TECPR1: variants seen among roughly 807,000 people sequenced by gnomAD.
TECPR1 encodes the protein tectonin beta-propeller repeat containing 1, also known as tectonin beta-propeller repeat-containing protein 1.
A neutral mutation model predicts 162.4 loss-of-function variants in TECPR1; 122 were observed. The observed-to-expected ratio is 0.75, with a 90% CI of 0.65 to 0.87. The LOEUF is 0.87. TECPR1 is among the 40% of genes least tolerant of loss of function. The pLI is 0.00. For missense variants in TECPR1, 1,432 were observed against 1,618.2 expected, an observed-to-expected ratio of 0.88 and a Z score of 1.97; for synonymous variants, 642 against 670.6, an observed-to-expected ratio of 0.96 and a Z score of 0.66.
rs1405666696 is a variant in TECPR1, at chr7:98,229,083, G to A, written c.2366C>T (p.Thr789Met). The change falls in exon 16 of 26, where the codon ACG becomes ATG. Residue 789 changes from threonine (T) to methionine (M), a missense_variant. Physicochemically the swap from Thr to Met is moderately conservative, Grantham distance 81 (BLOSUM62 -1). Transcript: ENST00000447648. The stretch of plus-strand genomic sequence containing the variant: ...ATAGCCGCCTGTGTATACCCAGGCC[G>A]TGTGGTCATAGCCGATGCCCCACAC... The part of the protein sequence containing the change: ...GVVWGIGYDH[T>M]AWVYTGGYGG... The A allele has an allele frequency of 9.4e-6, 15 of 1,590,556 alleles. No individual in the cohort carries two copies. Among genetic ancestry groups the A allele is most frequent in the African/African-American group, 1.3e-5 (1 of 74,512 alleles).
chr7:98,228,049 G>T lies in TECPR1; in HGVS notation c.2478C>A (p.Asn826Lys), dbSNP rs1195601983. The T allele has an allele frequency of 6.2e-7, 1 of 1,613,138 alleles. No individual in the cohort carries two copies. The highest frequency in any genetic ancestry group is 8.5e-7 in the Non-Finnish European group (1 of 1,179,652). Residue 826 changes from asparagine (N) to lysine (K), a missense_variant, in exon 17 of 26, where the codon AAC becomes AAA. Physicochemically the swap from Asn to Lys is moderately conservative, Grantham distance 94 (BLOSUM62 0). Transcript: ENST00000447648. Reference protein sequence around the residue: ...SDVKCVHIYENQRWNPVTGYT... With the variant: ...SDVKCVHIYEKQRWNPVTGYT... The stretch of plus-strand genomic sequence containing the variant: ...AGCCTGTGACGGGGTTCCAGCGCTG[G>T]TTCTCATAGATGTGAACACACTTCA...
chr7:98,222,368 C>A lies in TECPR1; in HGVS notation c.3064+18G>T. The A allele has an allele frequency of 6.2e-7, 1 of 1,604,572 alleles. No homozygotes were observed. On this transcript the variant is annotated intron_variant, in intron 22 of 25. Coordinates refer to ENST00000447648, the MANE Select transcript of TECPR1 (RefSeq NM_015395.3). ...CGGAAGGTGAACACTGCAGGGGCTCCTGGGGCGCGGCACTCACCGGCTGGC... is the reference window on the plus strand; with the variant it reads ...CGGAAGGTGAACACTGCAGGGGCTCATGGGGCGCGGCACTCACCGGCTGGC...
At chr7:98,225,181 A>C in intron 17 of TECPR1, 79 bp from the exon 18 acceptor site, 1 of 1,302,790 alleles carries the variant, frequency 7.7e-7, no homozygotes, top group Non-Finnish European at 1.1e-6. Flanking sequence ...ATAACACCCC[A>C]CAGGGAAGCA....
intron 2 of TECPR1, among the ~76,000 whole-genome samples, chr7:98,247,898 A>AT (rs890275412): frequency 2.6e-5 from 4 of 151,064 alleles, no homozygotes; most frequent in Admixed American, 6.6e-5. Flanking sequence ...AATTTTTAAA[A>AT]TTTTTTTTGT....
Position 98,245,084 on chromosome 7 carries a change from C to G in TECPR1, c.226-17G>C, listed in dbSNP as rs779735930. On this transcript the variant is annotated splice_polypyrimidine_tract_variant and intron_variant, in intron 3 of 25. Transcript: ENST00000447648. ...ATTCCAGCGCTGAGGGCCGGGGACACAGAGGCGGCCTTGGACCCAAGCCTG... is the reference window on the plus strand; with the variant it reads ...ATTCCAGCGCTGAGGGCCGGGGACAGAGAGGCGGCCTTGGACCCAAGCCTG... The G allele has an allele frequency of 2.6e-6, 4 of 1,563,446 alleles. No homozygotes were observed. The African/African-American group carries it at 5.4e-5, about 21-fold the overall frequency.
At chr7:98,220,933 C>T (rs570987159) in intron 23 of TECPR1, among the ~76,000 whole-genome samples, 5 of 150,718 alleles carry the variant, frequency 3.3e-5, no homozygotes, top group South Asian at 4.3e-4. Flanking sequence ...TCAAGTGATC[C>T]GCCCACCTCA....
At position 98,217,401 on chromosome 7, in the gene TECPR1, C is replaced by T. The variant is rs35234068; in HGVS notation, c.3487G>A (p.Val1163Ile). 13 of 1,589,152 alleles carry T rather than the reference C, an allele frequency of 8.2e-6. No homozygotes were observed. The highest frequency in any genetic ancestry group is 2.3e-5 in the South Asian group (2 of 88,720). Reference protein sequence around the residue: ...PSAPPEAHGPVCC With the variant: ...PSAPPEAHGPICC ...TGTGTGGGGGGGCCTCAGCAGCAGA[C>T]GGGGCCATGGGCCTCTGGTGGGGCA... is the stretch of plus-strand genomic sequence containing the variant. The change falls in exon 26 of 26, where the codon GTC becomes ATC. Residue 1163 changes from valine to isoleucine, a missense_variant. Val to Ile is a conservative substitution (Grantham distance 29, BLOSUM62 3). Coordinates refer to ENST00000447648, the MANE Select transcript of TECPR1 (RefSeq NM_015395.3).
At position 98,229,716 on chromosome 7, in the gene TECPR1, C is replaced by A. The variant is rs76084106; in HGVS notation, c.2283-550G>T. Reference sequence around the variant, plus strand: ...GGTGCAGGTCACAGCCTCCTGCGGCCGAGGCCCTGTCACTGTCACTGTCAC... The same window carrying A: ...GGTGCAGGTCACAGCCTCCTGCGGCAGAGGCCCTGTCACTGTCACTGTCAC... On this transcript the variant is annotated intron_variant, in intron 15 of 25. Transcript: ENST00000447648. Among the ~76,000 whole-genome samples, 6 of 152,286 alleles carry A rather than the reference C, an allele frequency of 3.9e-5. No homozygotes were observed. In the East Asian group the frequency reaches 1.2e-3, roughly 29 times the overall value.
chr7:98,227,987 T>A lies in TECPR1; in HGVS notation c.2513+27A>T, dbSNP rs749574465. The stretch of plus-strand genomic sequence containing the variant: ...GGACTAAGGCCTATGCCAGGCAGCA[T>A]CCTGGCCGGGCACCTGTGCCACTTA... On this transcript the variant is annotated intron_variant, in intron 17 of 25. Transcript: ENST00000447648. 18 of 1,584,734 alleles carry A rather than the reference T, an allele frequency of 1.1e-5. 1 individual carries two copies. In the South Asian group the frequency reaches 2.0e-4, roughly 18 times the overall value.
At chr7:98,230,690 C>A (rs1316124849) in intron 15 of TECPR1, among the ~76,000 whole-genome samples, 1 of 152,174 alleles carries the variant, frequency 6.6e-6, no homozygotes, top group African/African-American at 2.4e-5. Context: ...AATTGTGCCC[C>A]TCACCCACAC....
chr7:98,238,712 G>T, intron 8 of TECPR1, 102 bp from the exon 9 acceptor site: 1 of 984,630 alleles, frequency 1.0e-6, no homozygotes, highest in Non-Finnish European at 1.6e-6. Context: ...TTGATCCTTT[G>T]GTTCACGTCG....
chr7:98,220,997 A>G (rs931147140), intron 23 of TECPR1, among the ~76,000 whole-genome samples: 34 of 149,648 alleles, frequency 2.3e-4, no homozygotes, highest in Non-Finnish European at 4.7e-4. Context: ...GGCTAATGGT[A>G]CATTTTAAAA....
Position 98,234,354 on chromosome 7 carries a change from C to T in TECPR1, c.1182-443G>A, listed in dbSNP as rs371959607. Among the ~76,000 whole-genome samples, 75 of 152,296 alleles carry T rather than the reference C, an allele frequency of 4.9e-4. No individual in the cohort carries two copies. The South Asian group carries it at 0.015, about 31-fold the overall frequency. ...ATTTTTAGTAGAGACGGGGTTTCAC[C>T]ATGTTGGCAGGCTGGTCTTGAACTC... On this transcript the variant is annotated intron_variant, in intron 10 of 25. Coordinates refer to ENST00000447648, the MANE Select transcript of TECPR1 (RefSeq NM_015395.3).
chr7:98,229,632 G>A (rs1798368870), intron 15 of TECPR1, among the ~76,000 whole-genome samples: 1 of 151,022 alleles, frequency 6.6e-6, no homozygotes, highest in East Asian at 2.0e-4. Flanking sequence ...CAGGGTGTCA[G>A]CGGGAGGCGG....
In TECPR1 at chr7:98,222,419, A is replaced by G. The variant is rs772854243; in HGVS notation, c.3031T>C (p.Tyr1011His). ...TGCGAGGGGTACACGGATCCCCGGT[A>G]GAAGGCGGAGCCGTCCCTTGCCACG... ...WAVARDGSAF[Y>H]RGSVYPSQPA... Residue 1011 changes from tyrosine (Y) to histidine (H), a missense_variant, in exon 22 of 26, where the codon TAC becomes CAC. Transcript: ENST00000447648. The G allele has an allele frequency of 3.1e-6, 5 of 1,597,786 alleles. No individual in the cohort carries two copies. Among genetic ancestry groups the G allele is most frequent in the East Asian group, 2.3e-5 (1 of 44,126 alleles).
In TECPR1 at chr7:98,216,929, A is replaced by T. The variant is rs1367170229; in HGVS notation, c.*461T>A. The T allele has an allele frequency of 6.1e-6, 1 of 162,876 alleles. No homozygotes were observed. The highest frequency in any genetic ancestry group is 1.3e-5 in the Non-Finnish European group (1 of 74,420). The allele number at this position is 162,876 out of a possible 1,614,324, so 10.1% of individuals were successfully genotyped here. On this transcript the variant is annotated 3_prime_UTR_variant, in exon 26 of 26. Transcript: ENST00000447648. ...CTGCTCTGAGAAATGGTCACTGCAC[A>T]TGGTAAAGAGGCCCTGAGCCCCATG...
chr7:98,222,661 G>A (rs975551995), intron 21 of TECPR1, 140 bp from the exon 22 acceptor site: 26 of 1,075,330 alleles, frequency 2.4e-5, no homozygotes, highest in African/African-American at 2.1e-4. Context: ...AGCCCCACCC[G>A]GCCTGATCTC....
At chr7:98,219,636 T>C (rs1288478367) in intron 23 of TECPR1, among the ~76,000 whole-genome samples, 1 of 152,256 alleles carries the variant, frequency 6.6e-6, no homozygotes, top group Non-Finnish European at 1.5e-5. Context: ...GCGCGGTGGC[T>C]CATGCCTTTA....
rs935974280 is a variant in TECPR1 at position 98,231,069 on chromosome 7, C to T, written c.2174G>A (p.Arg725His). Residue 725 changes from arginine (R) to histidine (H), a missense_variant, in exon 15 of 26, where the codon CGC becomes CAC. Arg to His is a conservative substitution (Grantham distance 29). Transcript: ENST00000447648. ...SCCESRKVQG[R>H]PSPQAIWSIT... ...GGACCAGATGGCCTGCGGGGACGGG[C>T]GGCCCTGCACCTTCCGGCTCTCGCA... 2.5e-6 allele frequency: 4 copies of T among 1,608,664 alleles called. No homozygotes were observed. The highest frequency in any genetic ancestry group is 1.1e-5 in the South Asian group (1 of 90,266).
Sources: allele counts gnomAD v4.1 joint callset (sites outside exome capture counted in the v4.1 genomes callset), GRCh38; gene constraint gnomAD v4.1.1; transcripts MANE v1.5; gene names NCBI Gene and HGNC (gene_info 2026-07-23, HGNC 2026-07-21).